Variants in GALK2 observed in about 807,000 individuals in gnomAD.
The protein encoded by GALK2 is N-acetylgalactosamine kinase.
GALK2 carries 36 observed loss-of-function variants against 52.4 expected under a neutral mutation model. That is an observed-to-expected ratio of 0.69 (90% CI 0.53 to 0.91). The LOEUF is 0.91. Ranked by LOEUF, GALK2 falls within the 40% of genes least tolerant of loss-of-function variation. GALK2 has a pLI of 0.00. For missense variants in GALK2, 579 were observed against 559.1 expected (o/e 1.04, Z -0.36); for synonymous variants, 176 against 199.1 (o/e 0.88, Z 0.98).
chr15:49,171,740 T>TA (rs1430912603), intron 1 of GALK2, among the ~76,000 whole-genome samples: 2 of 152,038 alleles, frequency 1.3e-5, no homozygotes, highest in East Asian at 3.9e-4. Context: ...AGAAATTTGT[T>TA]ACATGAAAAT....
intron 6 of GALK2, among the ~76,000 whole-genome samples, chr15:49,282,479 A>G (rs1012496514): frequency 1.1e-4 from 17 of 152,166 alleles, no homozygotes; most frequent in Non-Finnish European, 1.5e-5. Context: ...AACCCAAATC[A>G]TAGTTCTCTT....
intron 3 of GALK2, among the ~76,000 whole-genome samples, chr15:49,218,411 A>C (rs545117384): frequency 4.9e-4 from 75 of 152,334 alleles, no homozygotes; most frequent in African/African-American, 1.8e-3. Flanking sequence ...CATTCCCACA[A>C]TAATGAATAT....
Position 49,328,790 on chromosome 15 carries a change from G to C in GALK2, c.*631G>C. 7.8e-7 allele frequency: 1 copy of C among 1,288,064 alleles called. No individual in the cohort carries two copies. Among genetic ancestry groups the C allele is most frequent in the African/African-American group, 1.6e-5 (1 of 62,002 alleles). 79.8% of individuals were successfully genotyped at this position (1,288,064 alleles called of 1,614,324 possible). ...AGACTAAGGATTTTTTTTTTTTTTT[G>C]ACAAAAGGAGGATACAGGAAGAAAA... On this transcript the variant is annotated 3_prime_UTR_variant, in exon 10 of 10. Transcript: ENST00000560031.
intron 1 of GALK2, among the ~76,000 whole-genome samples, chr15:49,192,485 G>GTATATATATGTATATATATATATA (rs1555400548): frequency 1.9e-4 from 20 of 102,950 alleles, no homozygotes; most frequent in Non-Finnish European, 3.8e-4. Context: ...ATATATATAT[G>GTATATATATGTATATATATATATA]TATATATATA....
chr15:49,214,349 T>TTTTTTA (rs2089196561), intron 2 of GALK2, among the ~76,000 whole-genome samples: 1 of 149,688 alleles, frequency 6.7e-6, no homozygotes, highest in African/African-American at 2.5e-5. Flanking sequence ...TTTTTTTTTT[T>TTTTTTA]GAGATGGAGT....
chr15:49,352,993 C>G (rs753082794), intron 3 of GALK2, among the ~76,000 whole-genome samples: 1 of 152,176 alleles, frequency 6.6e-6, no homozygotes, highest in Non-Finnish European at 1.5e-5. Context: ...TTTTAGGGGA[C>G]TATGCACAGA....
chr15:49,231,020 A>G (rs1311897590), intron 3 of GALK2, among the ~76,000 whole-genome samples: 1 of 152,094 alleles, frequency 6.6e-6, no homozygotes, highest in Non-Finnish European at 1.5e-5. Context: ...TTTTTTTCTG[A>G]CAGACTTGAG....
chr15:49,222,458 C>G (rs2089862874), intron 3 of GALK2, among the ~76,000 whole-genome samples: 1 of 152,030 alleles, frequency 6.6e-6, no homozygotes, highest in Non-Finnish European at 1.5e-5. Context: ...TATTGGTCAT[C>G]TTTTTTGGGT....
downstream of GALK2, chr15:49,334,205 A>G (rs930332552): frequency 3.1e-6 from 3 of 972,804 alleles, no homozygotes; most frequent in African/African-American, 3.5e-5. Flanking sequence ...ACCAAGCTGA[A>G]TAAGAGACAA....
chr15:49,305,399 ATGTT>A (rs1345576760), intron 8 of GALK2, among the ~76,000 whole-genome samples: 2 of 152,164 alleles, frequency 1.3e-5, no homozygotes, highest in Non-Finnish European at 2.9e-5. Flanking sequence ...TTTTTAGAAA[ATGTT>A]TGAGGAAGAT....
chr15:49,159,663 A>G (rs912172173), intron 1 of GALK2, among the ~76,000 whole-genome samples: 10 of 152,078 alleles, frequency 6.6e-5, no homozygotes, highest in Non-Finnish European at 1.3e-4. Context: ...ACTTGAATTG[A>G]CACCTTTTTG....
intron 5 of GALK2, among the ~76,000 whole-genome samples, chr15:49,243,576 A>G (rs891790211): frequency 1.3e-5 from 2 of 152,154 alleles, no homozygotes; most frequent in Non-Finnish European, 2.9e-5. Flanking sequence ...ATGATAGGGC[A>G]TCAAAGTATA....
chr15:49,308,992 G>A (rs926106123), intron 8 of GALK2, among the ~76,000 whole-genome samples: 4 of 152,212 alleles, frequency 2.6e-5, no homozygotes, highest in Non-Finnish European at 5.9e-5. Flanking sequence ...AGAAGCTGAA[G>A]GGTCAGATTT....
At chr15:49,228,654 T>G (rs1353363431) in intron 3 of GALK2, among the ~76,000 whole-genome samples, 1 of 114,394 alleles carries the variant, frequency 8.7e-6, no homozygotes, top group Non-Finnish European at 1.8e-5. Context: ...TCTCTTGTCT[T>G]TCACTGATAT....
chr15:49,336,704 AT>A (rs1426016331), downstream of GALK2, among the ~76,000 whole-genome samples: 1 of 152,260 alleles, frequency 6.6e-6, no homozygotes, highest in Non-Finnish European at 1.5e-5. Flanking sequence ...TTTCTAAAAA[AT>A]AATTTCAACT....
intron 3 of GALK2, chr15:49,223,061 T>G (rs2089915750): frequency 6.6e-6 from 1 of 152,236 alleles, no homozygotes; most frequent in African/African-American, 2.4e-5. Flanking sequence ...TCAATCTTGG[T>G]ACTTGTTACT....
At chr15:49,184,943 A>G (rs770786556) in intron 1 of GALK2, among the ~76,000 whole-genome samples, 1 of 152,178 alleles carries the variant, frequency 6.6e-6, no homozygotes, top group African/African-American at 2.4e-5. Flanking sequence ...CCTTCTTATT[A>G]CCAGTGAATT....
At chr15:49,294,748 A>G (rs1169346264) in intron 8 of GALK2, among the ~76,000 whole-genome samples, 1 of 152,218 alleles carries the variant, frequency 6.6e-6, no homozygotes, top group Non-Finnish European at 1.5e-5. Flanking sequence ...CTGCTATAAT[A>G]AAGGTATTTA....
At position 49,230,662 on chromosome 15, in the gene GALK2, G is replaced by C. The variant is rs375351471; in HGVS notation, c.267-5189G>C. Reference sequence around the variant, plus strand: ...TTATAAATGGTCTACCCCAGATCCAGACACACACAGGTGTCTTATAATGGT... The same window carrying C: ...TTATAAATGGTCTACCCCAGATCCACACACACACAGGTGTCTTATAATGGT... On this transcript the variant is annotated intron_variant, in intron 3 of 9. Coordinates refer to ENST00000560031, the MANE Select transcript of GALK2 (RefSeq NM_002044.4). 1.3e-4 allele frequency among the ~76,000 whole-genome samples: 20 copies of C among 152,278 alleles called. No homozygotes were observed. The South Asian group carries it at 4.1e-3, about 32-fold the overall frequency.
Sources: allele counts gnomAD v4.1 joint callset (sites outside exome capture counted in the v4.1 genomes callset), GRCh38; gene constraint gnomAD v4.1.1; transcripts MANE v1.5; gene names NCBI Gene and HGNC (gene_info 2026-07-23, HGNC 2026-07-21).